Variants in SH3GL2 observed in about 807,000 individuals in gnomAD.
The protein encoded by SH3GL2 is endophilin-A1.
A neutral mutation model predicts 46.0 loss-of-function variants in SH3GL2; 24 were observed. The ratio of observed to expected loss-of-function variants is 0.52; its 90% CI spans 0.38 to 0.73. SH3GL2 has a LOEUF of 0.73. SH3GL2 is among the 30% of genes least tolerant of loss of function. SH3GL2 has a pLI of 0.00. For synonymous variants in SH3GL2, 196 were observed against 147.1 expected, an observed-to-expected ratio of 1.33 and a Z score of -2.40; for missense variants, 413 against 424.2, an observed-to-expected ratio of 0.97 and a Z score of 0.23.
At chr9:17,726,399 A>G (rs551422697) in intron 1 of SH3GL2, among the ~76,000 whole-genome samples, 2 of 152,166 alleles carry the variant, frequency 1.3e-5, no homozygotes, top group Non-Finnish European at 2.9e-5. Flanking sequence ...GAATGAATGA[A>G]TAGATACTAC....
chr9:17,769,112 T>C (rs1405671193), intron 3 of SH3GL2, among the ~76,000 whole-genome samples: 1 of 152,200 alleles, frequency 6.6e-6, no homozygotes, highest in African/African-American at 2.4e-5. Flanking sequence ...TTTGTGCAGC[T>C]TTCCTGACCA....
intron 3 of SH3GL2, among the ~76,000 whole-genome samples, chr9:17,780,203 A>T (rs1823762941): frequency 6.6e-6 from 1 of 152,180 alleles, no homozygotes; most frequent in African/African-American, 2.4e-5. Context: ...GAACATTGTC[A>T]ACATCCCAAA....
intron 1 of SH3GL2, among the ~76,000 whole-genome samples, chr9:17,694,708 C>T (rs1044968617): frequency 2.6e-5 from 4 of 152,086 alleles, no homozygotes; most frequent in South Asian, 4.2e-4. Flanking sequence ...TGAGAGAAAC[C>T]GCTATTCTTT....
intron 3 of SH3GL2, among the ~76,000 whole-genome samples, chr9:17,763,296 A>G (rs979415170): frequency 4.6e-5 from 7 of 152,162 alleles, no homozygotes; most frequent in Non-Finnish European, 7.3e-5. Context: ...CCCCAAATTC[A>G]GGTCCATCCA....
intron 1 of SH3GL2, among the ~76,000 whole-genome samples, chr9:17,690,413 C>T (rs571349374): frequency 6.6e-6 from 1 of 152,098 alleles, no homozygotes; most frequent in Non-Finnish European, 1.5e-5. Flanking sequence ...TTGATTTTGA[C>T]CTCTTTGGCT....
chr9:17,579,348 C>A (rs1385074067), intron 1 of SH3GL2, 61 bp downstream of exon 1: 2 of 1,204,190 alleles, frequency 1.7e-6, no homozygotes, highest in East Asian at 6.4e-5. Flanking sequence ...GGGGCGCGCT[C>A]GGCGCTGGCC....
chr9:17,719,722 G>C (rs1478252938), intron 1 of SH3GL2, among the ~76,000 whole-genome samples: 1 of 151,184 alleles, frequency 6.6e-6, no homozygotes, highest in African/African-American at 2.4e-5. Context: ...GAGCCCAGAA[G>C]TTAGAAGCTG....
chr9:17,608,147 C>CTT (rs58474566), intron 1 of SH3GL2, among the ~76,000 whole-genome samples: 47,632 of 120,130 alleles, frequency 0.4, 11,821 homozygotes, highest in East Asian at 0.6. Flanking sequence ...AAGCTTTCCT[C>CTT]TTTTTTTTTT....
chr9:17,644,258 C>T (rs1819753320), intron 1 of SH3GL2, among the ~76,000 whole-genome samples: 1 of 152,026 alleles, frequency 6.6e-6, no homozygotes, highest in Non-Finnish European at 1.5e-5. Context: ...AGCCATCTAT[C>T]TAGTTTGTCA....
At chr9:17,621,254 T>C (rs774226887) in intron 1 of SH3GL2, among the ~76,000 whole-genome samples, 23 of 152,362 alleles carry the variant, frequency 1.5e-4, no homozygotes, top group Non-Finnish European at 2.6e-4. Flanking sequence ...TAAAACAGTT[T>C]TGATATGCAG....
chr9:17,688,404 A>C (rs905224296), intron 1 of SH3GL2, among the ~76,000 whole-genome samples: 7 of 152,132 alleles, frequency 4.6e-5, no homozygotes, highest in Admixed American at 3.3e-4. Flanking sequence ...GAAGTAACGT[A>C]CTGTTTAACA....
chr9:17,736,337 G>A (rs1305318177), intron 1 of SH3GL2, among the ~76,000 whole-genome samples: 1 of 152,020 alleles, frequency 6.6e-6, no homozygotes, highest in Admixed American at 6.6e-5. Context: ...GTTTTGTGTA[G>A]TTATATTTTT....
intron 7 of SH3GL2, among the ~76,000 whole-genome samples, chr9:17,792,658 T>C (rs965222611): frequency 1.3e-5 from 2 of 152,192 alleles, no homozygotes; most frequent in African/African-American, 4.8e-5. Flanking sequence ...CTTCTCATGT[T>C]CTGAATAGAA....
chr9:17,706,184 A>G (rs1388701757), intron 1 of SH3GL2, among the ~76,000 whole-genome samples: 7 of 152,130 alleles, frequency 4.6e-5, no homozygotes, highest in South Asian at 2.1e-4. Context: ...GCAAAGGGAC[A>G]TGCCCAAGGC....
intron 1 of SH3GL2, among the ~76,000 whole-genome samples, chr9:17,643,439 G>C (rs573491484): frequency 6.6e-6 from 1 of 152,128 alleles, no homozygotes; most frequent in Admixed American, 6.6e-5. Flanking sequence ...GGAGTGGTGA[G>C]ATGTTGAATA....
In SH3GL2 at chr9:17,701,389, G is replaced by C. The variant is rs374419791; in HGVS notation, c.46-45677G>C. 9.1e-4 allele frequency among the ~76,000 whole-genome samples: 139 copies of C among 152,270 alleles called. No homozygotes were observed. In the South Asian group the frequency reaches 0.027, roughly 30 times the overall value. ...TGAGCTGCTTCAGGAGGAGTAGTGA[G>C]GGGAGAGGTGGTAGCAGGTAGTGGG... is the stretch of plus-strand genomic sequence containing the variant. On this transcript the variant is annotated intron_variant, in intron 1 of 8. Coordinates refer to ENST00000380607, the MANE Select transcript of SH3GL2 (RefSeq NM_003026.5).
At chr9:17,691,340 C>T (rs370827784) in intron 1 of SH3GL2, among the ~76,000 whole-genome samples, 2 of 152,068 alleles carry the variant, frequency 1.3e-5, no homozygotes, top group Non-Finnish European at 2.9e-5. Flanking sequence ...CCACAGTTAT[C>T]AATAAAAACA....
At chr9:17,716,873 G>A (rs191828484) in intron 1 of SH3GL2, among the ~76,000 whole-genome samples, 1 of 152,146 alleles carries the variant, frequency 6.6e-6, no homozygotes, top group African/African-American at 2.4e-5. Context: ...CTCAGTCAGG[G>A]ATCTCTGTCT....
At position 17,796,204 on chromosome 9, in the gene SH3GL2, T is replaced by TTCCC. The variant is rs1372949914; in HGVS notation, c.*464_*467dup. 6.4e-6 allele frequency: 1 copy of TTCCC among 155,710 alleles called. No homozygotes were observed. Among genetic ancestry groups the TTCCC allele is most frequent in the Non-Finnish European group, 1.4e-5 (1 of 69,996 alleles). 9.6% of individuals were successfully genotyped at this position (155,710 alleles called of 1,614,324 possible). A position where few individuals can be genotyped will look rare whatever the true frequency, so the allele number is the denominator to read the frequency against. The stretch of plus-strand genomic sequence containing the variant: ...AGTCATGGAATTGTCAAAGTAAGCC[T>TTCCC]TCCCTCACCAGCAAATTGTCTCCTG... On this transcript the variant is annotated 3_prime_UTR_variant, in exon 9 of 9. Coordinates refer to ENST00000380607, the MANE Select transcript of SH3GL2 (RefSeq NM_003026.5).
Sources: allele counts gnomAD v4.1 joint callset (sites outside exome capture counted in the v4.1 genomes callset), GRCh38; gene constraint gnomAD v4.1.1; transcripts MANE v1.5; gene names NCBI Gene and HGNC (gene_info 2026-07-23, HGNC 2026-07-21).